Variants in ARHGEF10L observed in about 807,000 individuals in gnomAD.
The protein encoded by ARHGEF10L is rho guanine nucleotide exchange factor 10-like protein.
Under a neutral mutation model 141.2 loss-of-function variants are expected in ARHGEF10L, and 69 were observed. That is an observed-to-expected ratio of 0.49 (90% CI 0.40 to 0.60). The LOEUF (loss-of-function observed/expected upper bound fraction) is 0.60, where lower values mean the gene tolerates loss of function less well. Ranked by LOEUF, ARHGEF10L falls within the 20% of genes least tolerant of loss-of-function variation. The pLI is 0.00. For missense variants in ARHGEF10L, 1,482 were observed against 1,734.3 expected (o/e 0.85, Z 2.58); for synonymous variants, 711 against 718.5 (o/e 0.99, Z 0.17).
chr1:17,690,967 T>G (rs565949207), intron 27 of ARHGEF10L, among the ~76,000 whole-genome samples: 1 of 152,334 alleles, frequency 6.6e-6, no homozygotes, highest in East Asian at 1.9e-4. Flanking sequence ...ATTGCATAAT[T>G]AGTAATAAAT....
chr1:17,638,175 G>T (rs1414072417), intron 19 of ARHGEF10L, among the ~76,000 whole-genome samples, 172 bp downstream of exon 19: 1 of 152,246 alleles, frequency 6.6e-6, no homozygotes, highest in African/African-American at 2.4e-5. Context: ...TCCCTGCCTG[G>T]AAGTCTCTTT....
rs78247452 is a variant in ARHGEF10L at position 17,593,031 on chromosome 1, A to G, written c.257+4552A>G. Among the ~76,000 whole-genome samples the G allele has an allele frequency of 5.0e-3, 766 of 152,266 alleles. 29 individuals carry two copies. In the East Asian group the frequency reaches 0.11, roughly 21 times the overall value. On this transcript the variant is annotated intron_variant, in intron 4 of 28. Transcript: ENST00000361221. ...TAGAAACAAGGGCTCCCAGTTTCCA[A>G]TCAGAGCCAGGACCTTTGGATCCCA...
At chr1:17,590,265 A>AT (rs1343971832) in intron 4 of ARHGEF10L, among the ~76,000 whole-genome samples, 2 of 152,004 alleles carry the variant, frequency 1.3e-5, no homozygotes, top group African/African-American at 4.8e-5. Context: ...TTGTGTGTAC[A>AT]TTTTTTGAGG....
In ARHGEF10L at chr1:17,639,337, G is replaced by A. The variant is rs1050708593; in HGVS notation, c.2171+648G>A. Reference sequence around the variant, plus strand: ...AGGTCTGACTCTGAAGCCCAGGCCAGTGCAATGAGGGGGCTCAATGCCCAG... The same window carrying A: ...AGGTCTGACTCTGAAGCCCAGGCCAATGCAATGAGGGGGCTCAATGCCCAG... On this transcript the variant is annotated intron_variant, in intron 20 of 28. Coordinates refer to ENST00000361221, the MANE Select transcript of ARHGEF10L (RefSeq NM_018125.4). This position sits in a 1 kb window ranked among gnomAD's most constrained non-coding sequence, Gnocchi z 4.3. Among the ~76,000 whole-genome samples the A allele has an allele frequency of 6.6e-6, 1 of 152,258 alleles. No homozygotes were observed. Among genetic ancestry groups the A allele is most frequent in the Non-Finnish European group, 1.5e-5 (1 of 68,046 alleles).
the ARHGEF10L span, among the ~76,000 whole-genome samples, chr1:17,526,625 C>T: frequency 1.8e-4 from 28 of 152,254 alleles, no homozygotes; most frequent in Non-Finnish European, 2.6e-4. Flanking sequence ...CAAGGCTGGC[C>T]GGGCACAGTC....
intron 7 of ARHGEF10L, among the ~76,000 whole-genome samples, chr1:17,608,603 G>T (rs76286976): frequency 2.0e-5 from 3 of 152,094 alleles, no homozygotes; most frequent in Non-Finnish European, 4.4e-5. Flanking sequence ...GCTGTGAGGG[G>T]GATAGGTCAT....
chr1:17,549,884 T>G (rs1471922551), intron 1 of ARHGEF10L, among the ~76,000 whole-genome samples: 1 of 152,180 alleles, frequency 6.6e-6, no homozygotes, highest in Non-Finnish European at 1.5e-5. Flanking sequence ...TGTGGGGTGA[T>G]GGATGGGTAC....
At chr1:17,559,499 C>T (rs933667708) in intron 1 of ARHGEF10L, among the ~76,000 whole-genome samples, 5 of 149,220 alleles carry the variant, frequency 3.4e-5, no homozygotes, top group Non-Finnish European at 7.4e-5. Context: ...GGGACCGACA[C>T]CCCCCAGGGC....
At chr1:17,677,848 G>A (rs540340885) in intron 26 of ARHGEF10L, among the ~76,000 whole-genome samples, 9 of 152,296 alleles carry the variant, frequency 5.9e-5, no homozygotes, top group East Asian at 1.9e-4. Context: ...TGCAAATAGC[G>A]AACAGATAAC....
intron 4 of ARHGEF10L, among the ~76,000 whole-genome samples, chr1:17,594,293 A>G (rs1012655557): frequency 6.6e-6 from 1 of 151,966 alleles, no homozygotes; most frequent in African/African-American, 2.4e-5. Flanking sequence ...AGGACATGAC[A>G]TCAGCCCAAG....
the ARHGEF10L span, among the ~76,000 whole-genome samples, chr1:17,523,571 ATCAG>A: frequency 6.6e-6 from 1 of 152,174 alleles, no homozygotes; most frequent in Admixed American, 6.5e-5. Flanking sequence ...CACTGAAATC[ATCAG>A]TCAGAAAGTT....
chr1:17,551,085 G>C (rs1186304951), intron 1 of ARHGEF10L, among the ~76,000 whole-genome samples: 1 of 152,000 alleles, frequency 6.6e-6, no homozygotes, highest in African/African-American at 2.4e-5. Context: ...CACACCAAGG[G>C]GGGCAGTCCA....
rs140372189 is a variant in ARHGEF10L at position 17,638,684 on chromosome 1, C to T, written c.2166C>T (p.Pro722=). 81 of 1,613,928 alleles carry T rather than the reference C, an allele frequency of 5.0e-5. No homozygotes were observed. The African/African-American group carries it at 7.9e-4, about 16-fold the overall frequency. ...CRLRLLLPGK[P]DKSGRPISFM... is the part of the protein sequence containing the mutation. ...TCAGGCTCCTGCTTCCTGGGAAACCCGACAAGTGAGAGGAGGGGGTCTTGG... is the reference window on the plus strand; with the variant it reads ...TCAGGCTCCTGCTTCCTGGGAAACCTGACAAGTGAGAGGAGGGGGTCTTGG... Residue 722 remains proline (P), a synonymous_variant, in exon 20 of 29, where the codon CCC becomes CCT. Coordinates refer to ENST00000361221, the MANE Select transcript of ARHGEF10L (RefSeq NM_018125.4).
At position 17,607,734 on chromosome 1, in the gene ARHGEF10L, T is replaced by C; in HGVS notation, c.434-68T>C. 1 of 1,398,288 alleles carries C rather than the reference T, an allele frequency of 7.2e-7. No individual in the cohort carries two copies. Among genetic ancestry groups the C allele is most frequent in the Non-Finnish European group, 9.3e-7 (1 of 1,072,732 alleles). The allele number at this position is 1,398,288 out of a possible 1,614,324, so 86.6% of individuals were successfully genotyped here. ...GCCCCACCTGGGTTCAGAAATTGGG[T>C]CTGAGGCTGGAAGTCTGGTAGGCTT... On this transcript the variant is annotated intron_variant, in intron 6 of 28. Coordinates refer to ENST00000361221, the MANE Select transcript of ARHGEF10L (RefSeq NM_018125.4). This position sits in a 1 kb window ranked among gnomAD's most constrained non-coding sequence, Gnocchi z 4.5.
intron 1 of ARHGEF10L, among the ~76,000 whole-genome samples, chr1:17,546,990 A>G (rs2076940309): frequency 6.6e-6 from 1 of 152,314 alleles, no homozygotes; most frequent in African/African-American, 2.4e-5. Flanking sequence ...AAGAGTTAGA[A>G]GCACCACATT....
intron 26 of ARHGEF10L, among the ~76,000 whole-genome samples, chr1:17,679,400 G>A (rs2063935982): frequency 6.6e-6 from 1 of 152,178 alleles, no homozygotes; most frequent in African/African-American, 2.4e-5. Flanking sequence ...CTGAGTATTG[G>A]CACTGGAGTC....
At position 17,624,472 on chromosome 1, in the gene ARHGEF10L, T is replaced by C; in HGVS notation, c.1286T>C (p.Leu429Pro). Residue 429 changes from leucine (L) to proline (P), a missense_variant, in exon 13 of 29, where the codon CTC (leucine) becomes CCC (proline). Physicochemically the swap from Leu to Pro is moderately conservative, Grantham distance 98. This residue lies in a region of ARHGEF10L where 392 missense variants were observed against 542.1 expected (regional missense o/e 0.72). Coordinates refer to ENST00000361221, the MANE Select transcript of ARHGEF10L (RefSeq NM_018125.4). Reference sequence around the variant, plus strand: ...ATGTCCATCATCAAGAAGGCCTGCCTCACCAAGCCTGCCTTCCTCGAGTTC... The same window carrying C: ...ATGTCCATCATCAAGAAGGCCTGCCCCACCAAGCCTGCCTTCCTCGAGTTC... ...SAMSIIKKAC[L>P]TKPAFLEFLK... 2.5e-6 allele frequency: 4 copies of C among 1,614,220 alleles called. No homozygotes were observed. Among genetic ancestry groups the C allele is most frequent in the Non-Finnish European group, 3.4e-6 (4 of 1,180,034 alleles).
At chr1:17,590,520 G>A (rs2079440005) in intron 4 of ARHGEF10L, among the ~76,000 whole-genome samples, 1 of 152,184 alleles carries the variant, frequency 6.6e-6, no homozygotes, top group African/African-American at 2.4e-5. Flanking sequence ...ACCAGCAGTT[G>A]CCTCTATGGG....
At chr1:17,611,475 G>A (rs935602230) in intron 7 of ARHGEF10L, among the ~76,000 whole-genome samples, 2 of 152,154 alleles carry the variant, frequency 1.3e-5, no homozygotes, top group African/African-American at 4.8e-5. Context: ...CCTGTGTGAA[G>A]CTCAGAGAGA....
Sources: gnomAD v4.1 joint callset for allele counts (sites outside exome capture counted in the v4.1 genomes callset) on GRCh38, gnomAD v4.1.1 for gene constraint, gnomAD v4.1.1 regional missense constraint, Gnocchi (gnomAD v3.1) non-coding constraint, MANE v1.5 for transcripts, NCBI Gene and HGNC (gene_info 2026-07-23, HGNC 2026-07-21) for gene names.